The following YAP1 variants were observed in gnomAD, a reference collection of about 807,000 sequenced individuals.
The protein encoded by YAP1 is Yes1 associated transcriptional regulator, also known as transcriptional coactivator YAP1.
A neutral mutation model predicts 56.9 loss-of-function variants in YAP1; 5 were observed. The ratio of observed to expected loss-of-function variants is 0.09; its 90% CI spans 0.05 to 0.18. YAP1 has a LOEUF of 0.18. YAP1 is among the 10% of genes least tolerant of loss of function. The probability of loss-of-function intolerance (pLI) is 1.00; values close to 1 mark genes in which losing one functional copy is unlikely to be tolerated. For synonymous variants in YAP1, 265 were observed against 248.1 expected, an observed-to-expected ratio of 1.07 and a Z score of -0.64; for missense variants, 539 against 651.8, an observed-to-expected ratio of 0.83 and a Z score of 1.88.
intron 4 of YAP1, among the ~76,000 whole-genome samples, chr11:102,195,053 T>C (rs761912758): frequency 6.6e-6 from 1 of 152,186 alleles, no homozygotes; most frequent in South Asian, 2.1e-4. Context: ...TCACCATGTC[T>C]GGCTGCTTCT....
chr11:102,137,128 T>A (rs150978751), intron 2 of YAP1, among the ~76,000 whole-genome samples: 1 of 152,336 alleles, frequency 6.6e-6, no homozygotes, highest in African/African-American at 2.4e-5. Flanking sequence ...TTAATGTAAA[T>A]GTTTCTATAA....
chr11:102,128,884 A>C (rs546062301), intron 2 of YAP1, among the ~76,000 whole-genome samples: 1 of 152,150 alleles, frequency 6.6e-6, no homozygotes, highest in African/African-American at 2.4e-5. Flanking sequence ...TTAAAGTAAA[A>C]CAGCCTTATA....
chr11:102,122,895 C>CAAAAAAAAAAAAAAAAAAA (rs56934997), intron 2 of YAP1, among the ~76,000 whole-genome samples: 28 of 79,458 alleles, frequency 3.5e-4, no homozygotes, highest in East Asian at 7.9e-4. Flanking sequence ...AGACTTCTCT[C>CAAAAAAAAAAAAAAAAAAA]AAAAAAAAAA....
At chr11:102,175,988 T>G (rs1342410000) in intron 3 of YAP1, among the ~76,000 whole-genome samples, 2 of 152,180 alleles carry the variant, frequency 1.3e-5, no homozygotes, top group African/African-American at 4.8e-5. Flanking sequence ...AGGGATTGTT[T>G]AAGGCATATA....
At chr11:102,185,749 A>G (rs1199441046) in intron 3 of YAP1, among the ~76,000 whole-genome samples, 1 of 152,010 alleles carries the variant, frequency 6.6e-6, no homozygotes, top group Non-Finnish European at 1.5e-5. Context: ...TATTTGGGCC[A>G]TGACTTCCAA....
At chr11:102,188,414 G>A (rs754954038) in intron 4 of YAP1, among the ~76,000 whole-genome samples, 3 of 152,140 alleles carry the variant, frequency 2.0e-5, no homozygotes, top group African/African-American at 4.8e-5. Context: ...TTATTTATCA[G>A]ATGCTTTCAG....
intron 2 of YAP1, among the ~76,000 whole-genome samples, chr11:102,134,379 A>G (rs1345869461): frequency 6.6e-6 from 1 of 151,316 alleles, no homozygotes; most frequent in Non-Finnish European, 1.5e-5. Context: ...TGAGAGTTGG[A>G]TTTTTTTTAC....
At chr11:102,146,135 A>G (rs1422628814) in intron 2 of YAP1, among the ~76,000 whole-genome samples, 1 of 152,198 alleles carries the variant, frequency 6.6e-6, no homozygotes, top group African/African-American at 2.4e-5. Context: ...ATTAAGGTCC[A>G]TAGCCTGGCC....
At chr11:102,119,516 G>A (rs1943518451) in intron 2 of YAP1, among the ~76,000 whole-genome samples, 1 of 151,722 alleles carries the variant, frequency 6.6e-6, no homozygotes, top group Non-Finnish European at 1.5e-5. Flanking sequence ...TCAATTGACT[G>A]CAAGGTGGTA....
intron 2 of YAP1, among the ~76,000 whole-genome samples, chr11:102,158,036 T>C (rs1221992598): frequency 6.6e-6 from 1 of 152,218 alleles, no homozygotes; most frequent in Non-Finnish European, 1.5e-5. Flanking sequence ...CCATCTGACA[T>C]CACGAAATCT....
intron 3 of YAP1, among the ~76,000 whole-genome samples, chr11:102,166,512 A>G (rs1946619481): frequency 6.6e-6 from 1 of 152,198 alleles, no homozygotes; most frequent in African/African-American, 2.4e-5. Flanking sequence ...AATGTTAGAG[A>G]CAGTGAACAA....
chr11:102,229,209 T>C lies in YAP1; in HGVS notation c.1277-493T>C, dbSNP rs1950347360. On this transcript the variant is annotated intron_variant, in intron 8 of 8. Transcript: ENST00000282441. ...ATTCAAAGCCCTCTGGGAAGGCTTG[T>C]TTTGCTGTTAGGAAGGTGCATCTCC... Among the ~76,000 whole-genome samples, 3 of 152,172 alleles carry C rather than the reference T, an allele frequency of 2.0e-5. No individual in the cohort carries two copies. In the South Asian group the frequency reaches 6.2e-4, roughly 32 times the overall value.
chr11:102,218,997 A>G (rs1949791020), intron 6 of YAP1, among the ~76,000 whole-genome samples: 1 of 152,228 alleles, frequency 6.6e-6, no homozygotes, highest in African/African-American at 2.4e-5. Context: ...TAAAATAAAA[A>G]GTTGTAAAAA....
chr11:102,210,959 G>A (rs1217302444), intron 6 of YAP1, among the ~76,000 whole-genome samples: 1 of 152,152 alleles, frequency 6.6e-6, no homozygotes, highest in Non-Finnish European at 1.5e-5. Flanking sequence ...GTTTCACAGT[G>A]TTAGCCAGGA....
intron 4 of YAP1, among the ~76,000 whole-genome samples, chr11:102,203,733 G>A (rs978373227): frequency 6.6e-6 from 1 of 152,138 alleles, no homozygotes; most frequent in African/African-American, 2.4e-5. Context: ...AATAGCTCAT[G>A]AATTAAATGT....
At chr11:102,187,697 C>T (rs1011239871) in intron 4 of YAP1, among the ~76,000 whole-genome samples, 1 of 152,000 alleles carries the variant, frequency 6.6e-6, no homozygotes, top group Admixed American at 6.6e-5. Flanking sequence ...AAAATTTTTT[C>T]CTTTAAAACA....
chr11:102,144,827 A>G (rs1030098771), intron 2 of YAP1, among the ~76,000 whole-genome samples: 2 of 151,868 alleles, frequency 1.3e-5, no homozygotes, highest in African/African-American at 4.8e-5. Context: ...GTTATGCAAT[A>G]TAATTCATTT....
At position 102,229,829 on chromosome 11, in the gene YAP1, G is replaced by T. The variant is rs759882394; in HGVS notation, c.1404G>T (p.Glu468Asp). 1.6e-5 allele frequency: 26 copies of T among 1,614,050 alleles called. No homozygotes were observed. The Admixed American group carries it at 3.3e-4, about 21-fold the overall frequency. Residue 468 changes from glutamate (E) to aspartate (D), a missense_variant, in exon 9 of 9, where the codon GAG becomes GAT. Around this residue, in one of 4 missense-constraint regions of YAP1, gnomAD observed 414 missense variants for 512.4 expected, o/e 0.81. Coordinates refer to ENST00000282441, the MANE Select transcript of YAP1 (RefSeq NM_001130145.3). ...LEGDGMNIEG[E>D]ELMPSLQEAL... Reference sequence around the variant, plus strand: ...GAGATGGAATGAACATAGAAGGAGAGGAGCTGATGCCAAGTCTGCAGGAAG... The same window carrying T: ...GAGATGGAATGAACATAGAAGGAGATGAGCTGATGCCAAGTCTGCAGGAAG...
chr11:102,168,266 A>G (rs867501823), intron 3 of YAP1, among the ~76,000 whole-genome samples: 2 of 152,342 alleles, frequency 1.3e-5, no homozygotes, highest in South Asian at 2.1e-4. Context: ...GTTAACACTG[A>G]TCCACAAGAT....
Sources: gnomAD v4.1 joint callset for allele counts (sites outside exome capture counted in the v4.1 genomes callset) on GRCh38, gnomAD v4.1.1 for gene constraint, gnomAD v4.1.1 regional missense constraint, MANE v1.5 for transcripts, NCBI Gene and HGNC (gene_info 2026-07-23, HGNC 2026-07-21) for gene names.